PCDH9: variants seen among roughly 807,000 people sequenced by gnomAD.
The protein encoded by PCDH9 is protocadherin 9.
PCDH9 carries 24 observed loss-of-function variants against 70.6 expected under a neutral mutation model. The observed-to-expected ratio is 0.34, with a 90% CI of 0.25 to 0.48. The LOEUF is 0.48. Among genes scored for constraint, PCDH9 ranks in the 20% least tolerant of loss-of-function variants. PCDH9 has a pLI of 0.99. For synonymous variants in PCDH9, 562 were observed against 558.5 expected (o/e 1.01, Z -0.09); for missense variants, 1,281 against 1,503.6 (o/e 0.85, Z 2.45).
At chr13:67,107,853 C>G (rs2086578532) in intron 2 of PCDH9, among the ~76,000 whole-genome samples, 1 of 152,204 alleles carries the variant, frequency 6.6e-6, no homozygotes, top group Admixed American at 6.5e-5. Flanking sequence ...CCTAGAGGCC[C>G]CCCAAGCCAG....
At chr13:67,187,698 A>G (rs750821717) in intron 2 of PCDH9, among the ~76,000 whole-genome samples, 1 of 152,044 alleles carries the variant, frequency 6.6e-6, no homozygotes, top group African/African-American at 2.4e-5. Flanking sequence ...TATATTCACA[A>G]TATAGAGATT....
intron 4 of PCDH9, among the ~76,000 whole-genome samples, chr13:66,453,691 C>A (rs1296537429): frequency 6.6e-6 from 1 of 152,128 alleles, no homozygotes; most frequent in African/African-American, 2.4e-5. Flanking sequence ...CATGTTTCTG[C>A]AGTAGTATAA....
intron 4 of PCDH9, among the ~76,000 whole-genome samples, chr13:66,412,442 G>C (rs890526368): frequency 2.0e-5 from 3 of 152,168 alleles, no homozygotes; most frequent in African/African-American, 7.2e-5. Context: ...TGTAAGCCGG[G>C]CAAGGACAGA....
At chr13:66,493,148 T>C (rs1245738452) in intron 4 of PCDH9, among the ~76,000 whole-genome samples, 3 of 152,134 alleles carry the variant, frequency 2.0e-5, no homozygotes, top group African/African-American at 7.2e-5. Context: ...AATCAGATAA[T>C]AGGAATTCTT....
chr13:66,628,066 T>C (rs113487835), intron 4 of PCDH9, among the ~76,000 whole-genome samples: 1,551 of 152,292 alleles, frequency 0.01, 31 homozygotes, highest in African/African-American at 0.035. Flanking sequence ...TTCTTAAGTG[T>C]GGGCTTAGGA....
chr13:66,611,384 AT>A (rs921207537), intron 4 of PCDH9, among the ~76,000 whole-genome samples: 7 of 152,152 alleles, frequency 4.6e-5, no homozygotes, highest in African/African-American at 1.7e-4. Flanking sequence ...TCAAATAAAG[AT>A]TGGGAGTCTG....
At chr13:66,623,110 C>CGCCTTTA (rs2077450605) in intron 4 of PCDH9, among the ~76,000 whole-genome samples, 1 of 152,168 alleles carries the variant, frequency 6.6e-6, no homozygotes, top group African/African-American at 2.4e-5. Context: ...CCAGACACGC[C>CGCCTTTA]GCCTTTAAGA....
At chr13:66,918,088 G>T (rs1391862425) in intron 2 of PCDH9, among the ~76,000 whole-genome samples, 1 of 151,284 alleles carries the variant, frequency 6.6e-6, no homozygotes, top group African/African-American at 2.4e-5. Context: ...GTCTCAGTTG[G>T]TGATTGAGAT....
chr13:66,686,721 G>A (rs2078408675), intron 3 of PCDH9, among the ~76,000 whole-genome samples: 1 of 152,064 alleles, frequency 6.6e-6, no homozygotes, highest in Non-Finnish European at 1.5e-5. Context: ...TTTGGTGAGT[G>A]AATAATTTTC....
intron 2 of PCDH9, among the ~76,000 whole-genome samples, chr13:67,100,151 C>T (rs951584735): frequency 9.9e-5 from 15 of 152,134 alleles, no homozygotes; most frequent in Non-Finnish European, 1.8e-4. Flanking sequence ...ATTACTTCAG[C>T]TATTAATGCA....
chr13:66,920,111 T>C (rs2082615919), intron 2 of PCDH9, among the ~76,000 whole-genome samples: 1 of 151,108 alleles, frequency 6.6e-6, no homozygotes, highest in East Asian at 1.9e-4. Context: ...AACTGATACT[T>C]GATATCTAAA....
chr13:67,053,642 C>G (rs1004339822), intron 2 of PCDH9, among the ~76,000 whole-genome samples: 2 of 152,176 alleles, frequency 1.3e-5, no homozygotes, highest in Non-Finnish European at 2.9e-5. Flanking sequence ...CTCAAACAAA[C>G]TAAGCAATAC....
intron 2 of PCDH9, among the ~76,000 whole-genome samples, chr13:66,964,996 A>C (rs983797202): frequency 4.6e-5 from 7 of 152,156 alleles, no homozygotes; most frequent in African/African-American, 1.7e-4. Flanking sequence ...GTTTTTGCAC[A>C]TTTTGGAGAA....
chr13:66,346,074 T>A (rs747382475), intron 4 of PCDH9, among the ~76,000 whole-genome samples: 3 of 152,180 alleles, frequency 2.0e-5, no homozygotes, highest in Non-Finnish European at 4.4e-5. Flanking sequence ...CTAGGAATTG[T>A]CTGCAAACTG....
chr13:66,385,768 T>C (rs1770134232), intron 4 of PCDH9, among the ~76,000 whole-genome samples: 2 of 152,214 alleles, frequency 1.3e-5, no homozygotes, highest in Admixed American at 6.5e-5. Flanking sequence ...AAGAGTTAAA[T>C]GGGTCTATTT....
chr13:66,516,692 C>A (rs1959751698), intron 4 of PCDH9, among the ~76,000 whole-genome samples: 3 of 151,738 alleles, frequency 2.0e-5, no homozygotes, highest in African/African-American at 7.3e-5. Context: ...AATCTGCCAC[C>A]CTCCAAAAAG....
At chr13:66,688,824 C>A (rs1252787245) in intron 3 of PCDH9, among the ~76,000 whole-genome samples, 4 of 152,022 alleles carry the variant, frequency 2.6e-5, no homozygotes, top group Admixed American at 1.3e-4. Context: ...TTCCGAACAC[C>A]CCTGTTGTTA....
chr13:66,670,786 C>T (rs1301310902), intron 3 of PCDH9, among the ~76,000 whole-genome samples: 1 of 151,578 alleles, frequency 6.6e-6, no homozygotes, highest in Non-Finnish European at 1.5e-5. Flanking sequence ...GAAATGTGTT[C>T]CCCCAGTCCT....
At chr13:67,003,982 G>A (rs2139826033) in intron 2 of PCDH9, among the ~76,000 whole-genome samples, 1 of 152,218 alleles carries the variant, frequency 6.6e-6, no homozygotes, top group Non-Finnish European at 1.5e-5. Flanking sequence ...CCGAGCCTCT[G>A]ATAAATCTTC....
Sources: gnomAD v4.1 joint callset for allele counts (sites outside exome capture counted in the v4.1 genomes callset) on GRCh38, gnomAD v4.1.1 for gene constraint, MANE v1.5 for transcripts, NCBI Gene and HGNC (gene_info 2026-07-23, HGNC 2026-07-21) for gene names.